The following SLIT3 variants were observed in gnomAD, a reference collection of about 807,000 sequenced individuals.
SLIT3 encodes the protein slit homolog 3 protein.
A neutral mutation model predicts 184.0 loss-of-function variants in SLIT3; 68 were observed. That is an observed-to-expected ratio of 0.37 (90% CI 0.30 to 0.45). SLIT3 has a LOEUF of 0.45. Among genes scored for constraint, SLIT3 ranks in the 20% least tolerant of loss-of-function variants. SLIT3 has a pLI of 1.00. For synonymous variants in SLIT3, 831 were observed against 828.6 expected (o/e 1.00, Z -0.05); for missense variants, 1,707 against 2,026.0 (o/e 0.84, Z 3.02).
intron 4 of SLIT3, among the ~76,000 whole-genome samples, chr5:169,072,913 C>T (rs901769419): frequency 2.6e-5 from 4 of 152,144 alleles, no homozygotes; most frequent in African/African-American, 7.2e-5. Flanking sequence ...AAAGGTTGCC[C>T]GCCACTTGCT....
At chr5:168,952,493 A>T (rs552763531) in intron 4 of SLIT3, among the ~76,000 whole-genome samples, 1 of 142,848 alleles carries the variant, frequency 7.0e-6, no homozygotes, top group Non-Finnish European at 1.5e-5. Context: ...CCCCTCCAAC[A>T]TTTCCCCACA....
At chr5:168,941,835 A>G (rs927754848) in intron 4 of SLIT3, among the ~76,000 whole-genome samples, 2 of 152,160 alleles carry the variant, frequency 1.3e-5, no homozygotes, top group Non-Finnish European at 2.9e-5. Flanking sequence ...TACCTACCTC[A>G]TGGTGTTTGT....
At chr5:169,189,053 G>A (rs1478089158) in intron 4 of SLIT3, among the ~76,000 whole-genome samples, 2 of 152,110 alleles carry the variant, frequency 1.3e-5, no homozygotes. Flanking sequence ...ACCTCACTGG[G>A]CATTTTGCAG....
chr5:169,131,082 T>A (rs1761278952), intron 4 of SLIT3, among the ~76,000 whole-genome samples: 1 of 152,222 alleles, frequency 6.6e-6, no homozygotes, highest in Admixed American at 6.5e-5. Context: ...GCAAAGACCC[T>A]CTGGGTTTCA....
chr5:168,999,375 T>C (rs1214629029), intron 4 of SLIT3, among the ~76,000 whole-genome samples: 2 of 151,644 alleles, frequency 1.3e-5, no homozygotes, highest in African/African-American at 2.4e-5. Context: ...GGTTTTCTGA[T>C]TGGATAAACA....
chr5:168,702,963 G>A (rs1762260958), intron 26 of SLIT3, among the ~76,000 whole-genome samples: 1 of 152,152 alleles, frequency 6.6e-6, no homozygotes, highest in African/African-American at 2.4e-5. Context: ...AACTATGGCG[G>A]TGGTGGTGGA....
At chr5:169,231,828 C>G (rs930160536) in intron 3 of SLIT3, among the ~76,000 whole-genome samples, 1 of 152,200 alleles carries the variant, frequency 6.6e-6, no homozygotes, top group Admixed American at 6.5e-5. Context: ...ATCACCAACA[C>G]TTGATATTGT....
chr5:168,688,778 C>T (rs1278629792), intron 29 of SLIT3, among the ~76,000 whole-genome samples: 1 of 152,184 alleles, frequency 6.6e-6, no homozygotes, highest in Non-Finnish European at 1.5e-5. Context: ...AATACAGCAC[C>T]ATGTATACTT....
intron 4 of SLIT3, among the ~76,000 whole-genome samples, chr5:169,159,359 G>A (rs1227676668): frequency 6.6e-6 from 1 of 152,238 alleles, no homozygotes; most frequent in African/African-American, 2.4e-5. Context: ...CCGGGAGGTA[G>A]AGATTGCAGT....
chr5:169,154,162 C>T (rs867838379), intron 4 of SLIT3, among the ~76,000 whole-genome samples: 7 of 151,972 alleles, frequency 4.6e-5, no homozygotes, highest in African/African-American at 7.3e-5. Context: ...TTAGTAGAGA[C>T]GGGGTTTCAC....
chr5:169,075,786 C>T (rs370102524), intron 4 of SLIT3, among the ~76,000 whole-genome samples: 3 of 152,356 alleles, frequency 2.0e-5, no homozygotes, highest in Admixed American at 6.5e-5. Flanking sequence ...GCTTCTCTTT[C>T]GGATTTCATC....
Position 168,774,326 on chromosome 5 carries a change from G to A in SLIT3, c.1204C>T (p.Leu402=). ...AGGGAGAGCAAGTTGAGGTTCTGCA[G>A]GTCCTGAAACGTGTTCACCCGCAGG... ...NCLRVNTFQD[L]QNLNLLSLYD... is the part of the protein sequence containing the mutation. Residue 402 remains leucine, a synonymous_variant, in exon 13 of 36, where the codon CTG becomes TTG. Transcript: ENST00000519560. 6.2e-7 allele frequency: 1 copy of A among 1,614,094 alleles called. No homozygotes were observed. The highest frequency in any genetic ancestry group is 8.5e-7 in the Non-Finnish European group (1 of 1,179,982).
At chr5:168,772,575 T>G in intron 14 of SLIT3, 1 of 573,502 alleles carries the variant, frequency 1.7e-6, no homozygotes, top group Non-Finnish European at 3.1e-6. Flanking sequence ...TTTTATTGTG[T>G]GTGTGTGTGT....
chr5:169,248,282 C>T (rs1765665485), intron 2 of SLIT3, among the ~76,000 whole-genome samples: 1 of 152,092 alleles, frequency 6.6e-6, no homozygotes, highest in Non-Finnish European at 1.5e-5. Flanking sequence ...TCCTCATTTG[C>T]CCTCTTTTCT....
At chr5:168,952,312 C>T (rs541156851) in intron 4 of SLIT3, among the ~76,000 whole-genome samples, 6 of 152,216 alleles carry the variant, frequency 3.9e-5, no homozygotes, top group East Asian at 3.9e-4. Flanking sequence ...AGCAAGGCCT[C>T]GTTCCTCTTT....
intron 1 of SLIT3, among the ~76,000 whole-genome samples, chr5:169,265,450 G>A (rs749669826): frequency 6.6e-6 from 1 of 152,202 alleles, no homozygotes; most frequent in Non-Finnish European, 1.5e-5. Context: ...TAAGGTACAT[G>A]CCTGCAATTC....
chr5:169,298,856 G>A (rs1767593928), intron 1 of SLIT3, among the ~76,000 whole-genome samples: 1 of 152,196 alleles, frequency 6.6e-6, no homozygotes, highest in Admixed American at 6.5e-5. Context: ...GATTCAATGA[G>A]ATAATACATA....
chr5:168,712,525 AG>A (rs1385007358), intron 23 of SLIT3, 171 bp from the exon 24 acceptor site: 9 of 619,338 alleles, frequency 1.5e-5, no homozygotes, highest in Non-Finnish European at 2.0e-5. Flanking sequence ...TTCTATGCCC[AG>A]CTCAGCAGCA....
chr5:168,882,366 A>G (rs1759986295), intron 5 of SLIT3, among the ~76,000 whole-genome samples: 2 of 152,192 alleles, frequency 1.3e-5, no homozygotes, highest in South Asian at 2.1e-4. Context: ...AGGAGTCACG[A>G]ATAAGGGGTC....
Sources: gnomAD v4.1 joint callset for allele counts (sites outside exome capture counted in the v4.1 genomes callset) on GRCh38, gnomAD v4.1.1 for gene constraint, MANE v1.5 for transcripts, NCBI Gene and HGNC (gene_info 2026-07-23, HGNC 2026-07-21) for gene names.